The following LRRC28 variants were observed in gnomAD, a reference collection of about 807,000 sequenced individuals.
LRRC28 encodes leucine rich repeat containing 28.
LRRC28 carries 39 observed loss-of-function variants against 45.7 expected under a neutral mutation model. That is an observed-to-expected ratio of 0.85 (90% CI 0.66 to 1.12). LRRC28 has a LOEUF of 1.12. Among genes scored for constraint, LRRC28 ranks in the 50% most tolerant of loss-of-function variants. The pLI is 0.00. For synonymous variants in LRRC28, 206 were observed against 178.8 expected (o/e 1.15, Z -1.22); for missense variants, 435 against 438.5 (o/e 0.99, Z 0.07).
chr15:99,333,980 CTT>C lies in LRRC28; in HGVS notation c.445_446del (p.Leu149ThrfsTer35). ...GACATTTCTACCAATCGTTTGCTAA[CTT>C]TACCCGAGAGGCTTCACATGTGCCT... is the stretch of plus-strand genomic sequence containing the variant. On this transcript the variant is annotated frameshift_variant, in exon 6 of 10. Transcript: ENST00000301981. LOFTEE classifies it high-confidence loss of function. 4.3e-6 allele frequency: 7 copies of C among 1,614,148 alleles called. No homozygotes were observed. Among genetic ancestry groups the C allele is most frequent in the Non-Finnish European group, 5.1e-6 (6 of 1,180,002 alleles).
At chr15:99,263,310 C>A (rs1411979130) in intron 2 of LRRC28, among the ~76,000 whole-genome samples, 7 of 143,732 alleles carry the variant, frequency 4.9e-5, no homozygotes, top group African/African-American at 1.8e-4. Context: ...CAAAGTGAGA[C>A]CCTGTCTCAA....
chr15:99,297,261 TTTTA>T (rs746364698), intron 5 of LRRC28: 9 of 151,830 alleles, frequency 5.9e-5, no homozygotes, highest in Non-Finnish European at 1.2e-4. Context: ...TTATATTTTA[TTTTA>T]TTTTAGGGGC....
chr15:99,336,914 A>G (rs1367085813), intron 6 of LRRC28, among the ~76,000 whole-genome samples: 1 of 152,162 alleles, frequency 6.6e-6, no homozygotes, highest in Non-Finnish European at 1.5e-5. Context: ...AACCATTCAT[A>G]CAACTACTGG....
At position 99,388,411 on chromosome 15, in the gene LRRC28, T is replaced by C. The variant is rs563771254; in HGVS notation, c.*2309T>C. The C allele has an allele frequency of 6.6e-6, 1 of 152,250 alleles. No homozygotes were observed. The highest frequency in any genetic ancestry group is 2.4e-5 in the African/African-American group (1 of 41,462). The allele number at this position is 152,250 out of a possible 1,614,324, so 9.4% of individuals were successfully genotyped here. On this transcript the variant is annotated 3_prime_UTR_variant, in exon 10 of 10. Coordinates refer to ENST00000301981, the MANE Select transcript of LRRC28 (RefSeq NM_144598.5). Reference sequence around the variant, plus strand: ...CCAGGCATTCTTTCTCTACCTATTATGAACTACGGTGTGTTAAACAACAGC... The same window carrying C: ...CCAGGCATTCTTTCTCTACCTATTACGAACTACGGTGTGTTAAACAACAGC...
chr15:99,348,070 A>G (rs1473576677), intron 6 of LRRC28, among the ~76,000 whole-genome samples: 1 of 152,092 alleles, frequency 6.6e-6, no homozygotes, highest in Admixed American at 6.5e-5. Flanking sequence ...CCTTTTGTAT[A>G]TGTTCTTTGG....
intron 5 of LRRC28, among the ~76,000 whole-genome samples, chr15:99,330,728 TTG>T (rs1956133980): frequency 6.6e-6 from 1 of 152,132 alleles, no homozygotes; most frequent in African/African-American, 2.4e-5. Flanking sequence ...ATTGATATGA[TTG>T]TGTTTATTAA....
chr15:99,259,793 G>A (rs886637609), intron 2 of LRRC28: 35 of 1,053,440 alleles, frequency 3.3e-5, no homozygotes, highest in Admixed American at 2.9e-4. Flanking sequence ...GCAGTGATTC[G>A]GTCAGGATGT....
At position 99,350,094 on chromosome 15, in the gene LRRC28, C is replaced by T. The variant is rs575028557; in HGVS notation, c.593-2275C>T. Among the ~76,000 whole-genome samples, 31 of 150,378 alleles carry T rather than the reference C, an allele frequency of 2.1e-4. 1 individual carries two copies. The highest frequency in any genetic ancestry group is 1.7e-3 in the South Asian group (8 of 4,730). On this transcript the variant is annotated intron_variant, in intron 6 of 9. Coordinates refer to ENST00000301981, the MANE Select transcript of LRRC28 (RefSeq NM_144598.5). ...GAGCTTGCAGTGAGCTGAGATTGCG[C>T]CACTGCAGTCCGCAGTCCGGCCTGG... is the stretch of plus-strand genomic sequence containing the variant.
At chr15:99,377,137 T>C (rs1957664393) in intron 9 of LRRC28, among the ~76,000 whole-genome samples, 1 of 151,950 alleles carries the variant, frequency 6.6e-6, no homozygotes, top group Non-Finnish European at 1.5e-5. Context: ...TCCACAATGG[T>C]TGAACTAGTT....
chr15:99,332,765 C>G (rs184624001), intron 5 of LRRC28, among the ~76,000 whole-genome samples: 2 of 152,252 alleles, frequency 1.3e-5, no homozygotes, highest in African/African-American at 4.8e-5. Context: ...ATTGAGCATC[C>G]AAGACGGCAG....
intron 5 of LRRC28, among the ~76,000 whole-genome samples, chr15:99,317,042 G>A (rs996264052): frequency 2.0e-5 from 3 of 149,538 alleles, no homozygotes; most frequent in Non-Finnish European, 1.5e-5. Context: ...TTTTTTTAAA[G>A]CACAGCCTAA....
chr15:99,333,588 G>A (rs1267409484), intron 5 of LRRC28: 1 of 291,494 alleles, frequency 3.4e-6, no homozygotes, highest in African/African-American at 2.2e-5. Flanking sequence ...GACTGTAATT[G>A]TTCTTTTCTC....
intron 5 of LRRC28, among the ~76,000 whole-genome samples, chr15:99,333,390 C>T (rs2152293542): frequency 6.6e-6 from 1 of 152,294 alleles, no homozygotes; most frequent in African/African-American, 2.4e-5. Flanking sequence ...AACTGTATCT[C>T]ATTTTATTGT....
At chr15:99,340,263 G>A (rs921913456) in intron 6 of LRRC28, among the ~76,000 whole-genome samples, 1 of 152,230 alleles carries the variant, frequency 6.6e-6, no homozygotes, top group Non-Finnish European at 1.5e-5. Context: ...AAGTAATGGT[G>A]CAGTTTTAGA....
chr15:99,354,616 C>T (rs2152318882), intron 7 of LRRC28, among the ~76,000 whole-genome samples: 1 of 152,304 alleles, frequency 6.6e-6, no homozygotes, highest in African/African-American at 2.4e-5. Flanking sequence ...TCTGTTTGGT[C>T]ACTGTATGAG....
chr15:99,317,935 A>G (rs1340385713), intron 5 of LRRC28, among the ~76,000 whole-genome samples: 1 of 152,198 alleles, frequency 6.6e-6, no homozygotes, highest in African/African-American at 2.4e-5. Context: ...GTGCACAACA[A>G]AAGATTGGTA....
rs1292690798 is a variant in LRRC28 at position 99,388,517 on chromosome 15, G to C, written c.*2415G>C. The C allele has an allele frequency of 1.3e-5, 2 of 152,154 alleles. No individual in the cohort carries two copies. The highest frequency in any genetic ancestry group is 4.8e-5 in the African/African-American group (2 of 41,428). 9.4% of individuals were successfully genotyped at this position (152,154 alleles called of 1,614,324 possible). On this transcript the variant is annotated 3_prime_UTR_variant, in exon 10 of 10. Transcript: ENST00000301981. ...ACCTGAACTTAATTGATGAGAAGTG[G>C]AACTTAAGTGGTTTCCCTGGTGCTG...
At chr15:99,282,603 G>C (rs987173048) in intron 3 of LRRC28, among the ~76,000 whole-genome samples, 1 of 152,158 alleles carries the variant, frequency 6.6e-6, no homozygotes, top group African/African-American at 2.4e-5. Flanking sequence ...GTTGTCTACA[G>C]TATTCAATAC....
chr15:99,374,890 A>G (rs1330297703), intron 9 of LRRC28, among the ~76,000 whole-genome samples: 2 of 151,530 alleles, frequency 1.3e-5, no homozygotes, highest in Admixed American at 6.6e-5. Flanking sequence ...GATGATCTCG[A>G]TCTCCTGACC....
Sources: gnomAD v4.1 joint callset for allele counts (sites outside exome capture counted in the v4.1 genomes callset) on GRCh38, gnomAD v4.1.1 for gene constraint, MANE v1.5 for transcripts, NCBI Gene and HGNC (gene_info 2026-07-23, HGNC 2026-07-21) for gene names.